The following HDAC9 variants were observed in gnomAD, a reference collection of about 807,000 sequenced individuals.
HDAC9 encodes histone deacetylase 9, also known as MEF-2 interacting transcription repressor (MITR) protein.
In HDAC9, 41 loss-of-function variants were observed where a neutral mutation model predicts 139.4. The ratio of observed to expected loss-of-function variants is 0.29; its 90% CI spans 0.23 to 0.38. The LOEUF is 0.38. Ranked by LOEUF, HDAC9 falls within the 10% of genes least tolerant of loss-of-function variation. HDAC9 has a pLI of 1.00. For synonymous variants in HDAC9, 517 were observed against 476.2 expected (o/e 1.09, Z -1.12); for missense variants, 1,147 against 1,297.0 (o/e 0.88, Z 1.78).
chr7:18,514,932 T>TAAG (rs1429184014), intron 2 of HDAC9, among the ~76,000 whole-genome samples: 1 of 152,116 alleles, frequency 6.6e-6, no homozygotes, highest in Non-Finnish European at 1.5e-5. Flanking sequence ...GGATGACACA[T>TAAG]AAGACCCTGT....
chr7:18,718,374 G>A (rs954988455), intron 12 of HDAC9, among the ~76,000 whole-genome samples: 2 of 152,112 alleles, frequency 1.3e-5, no homozygotes, highest in Non-Finnish European at 2.9e-5. Flanking sequence ...TGGGATTACA[G>A]GTGCACGGTG....
intron 2 of HDAC9, among the ~76,000 whole-genome samples, chr7:18,248,423 T>G (rs576126816): frequency 1.3e-3 from 195 of 152,212 alleles, no homozygotes; most frequent in Non-Finnish European, 2.2e-3. Flanking sequence ...TAGAGACAAG[T>G]TTTCTGGAAA....
At chr7:18,789,980 GA>G (rs1035259180) in intron 16 of HDAC9, among the ~76,000 whole-genome samples, 2 of 152,144 alleles carry the variant, frequency 1.3e-5, no homozygotes, top group African/African-American at 4.8e-5. Flanking sequence ...AAAGAGGGAG[GA>G]AAAATATTTT....
At chr7:18,965,668 G>A (rs1237893298) in intron 24 of HDAC9, among the ~76,000 whole-genome samples, 1 of 152,200 alleles carries the variant, frequency 6.6e-6, no homozygotes, top group Non-Finnish European at 1.5e-5. Flanking sequence ...AAAACACATA[G>A]CTCAGAGTTA....
At chr7:18,102,641 T>TC (rs769569237) in intron 1 of HDAC9, among the ~76,000 whole-genome samples, 12 of 152,224 alleles carry the variant, frequency 7.9e-5, no homozygotes, top group Non-Finnish European at 1.6e-4. Flanking sequence ...GTCTCTCTTT[T>TC]CCCCACTGTC....
At chr7:18,773,198 A>G (rs1362494879) in intron 16 of HDAC9, among the ~76,000 whole-genome samples, 1 of 152,056 alleles carries the variant, frequency 6.6e-6, no homozygotes, top group Non-Finnish European at 1.5e-5. Context: ...TGCATTTTGA[A>G]ATAAGAATAC....
chr7:18,372,648 C>A (rs1230924921), intron 1 of HDAC9, among the ~76,000 whole-genome samples: 1 of 152,182 alleles, frequency 6.6e-6, no homozygotes, highest in Non-Finnish European at 1.5e-5. Context: ...AACATGAGAA[C>A]ATCACGACAG....
chr7:18,877,655 G>T lies in HDAC9; in HGVS notation c.2803+3059G>T, dbSNP rs372929766. On this transcript the variant is annotated intron_variant, in intron 22 of 25. Coordinates refer to ENST00000686413, the MANE Select transcript of HDAC9 (RefSeq NM_178425.4). ...GTTTGCTATCTCTGAAAGGAAAAGAGAAATGAAGTCAAAATAACTAGGGTT... is the reference window on the plus strand; with the variant it reads ...GTTTGCTATCTCTGAAAGGAAAAGATAAATGAAGTCAAAATAACTAGGGTT... 4.3e-4 allele frequency among the ~76,000 whole-genome samples: 66 copies of T among 152,238 alleles called. 1 individual carries two copies. Among genetic ancestry groups the T allele is most frequent in the African/African-American group, 1.5e-3 (62 of 41,562 alleles).
At chr7:18,972,690 G>T (rs531424659) in intron 24 of HDAC9, among the ~76,000 whole-genome samples, 1 of 152,010 alleles carries the variant, frequency 6.6e-6, no homozygotes, top group Admixed American at 6.6e-5. Flanking sequence ...CTTTGATGAG[G>T]TTCTTATTCA....
intron 1 of HDAC9, among the ~76,000 whole-genome samples, chr7:18,446,951 A>G (rs373588748): frequency 6.6e-6 from 1 of 152,214 alleles, no homozygotes; most frequent in Non-Finnish European, 1.5e-5. Flanking sequence ...GATTCAACGT[A>G]TATCTAAGTA....
intron 14 of HDAC9, among the ~76,000 whole-genome samples, chr7:18,754,044 A>T (rs1450185121): frequency 2.0e-5 from 3 of 152,114 alleles, no homozygotes; most frequent in African/African-American, 7.2e-5. Flanking sequence ...CAGAGAAAAC[A>T]TTAGTCCTCA....
At chr7:18,248,095 A>C (rs1794675682) in intron 2 of HDAC9, among the ~76,000 whole-genome samples, 2 of 152,214 alleles carry the variant, frequency 1.3e-5, no homozygotes, top group Non-Finnish European at 2.9e-5. Context: ...ACTTAAGTAC[A>C]TAAAAATGTA....
intron 14 of HDAC9, among the ~76,000 whole-genome samples, chr7:18,758,419 C>A (rs577045252): frequency 6.6e-6 from 1 of 151,892 alleles, no homozygotes; most frequent in Non-Finnish European, 1.5e-5. Context: ...CTCAAGAGAG[C>A]CTTGAGAGAG....
intron 17 of HDAC9, among the ~76,000 whole-genome samples, chr7:18,818,353 T>G (rs7797015): frequency 1.4e-3 from 219 of 152,338 alleles, no homozygotes; most frequent in African/African-American, 4.6e-3. Context: ...GGCAGTTATA[T>G]TATACATAAA....
chr7:18,352,292 T>C (rs912866951), intron 1 of HDAC9, among the ~76,000 whole-genome samples: 1 of 152,212 alleles, frequency 6.6e-6, no homozygotes, highest in African/African-American at 2.4e-5. Flanking sequence ...GTAGCAAATA[T>C]TATTTTCAAA....
At chr7:18,226,000 TA>T (rs1198412442) in intron 2 of HDAC9, among the ~76,000 whole-genome samples, 4 of 152,222 alleles carry the variant, frequency 2.6e-5, no homozygotes, top group Non-Finnish European at 4.4e-5. Context: ...CTCCTAATTT[TA>T]CTCATAATAT....
chr7:18,405,083 G>A (rs184912516), intron 1 of HDAC9, among the ~76,000 whole-genome samples: 6 of 152,320 alleles, frequency 3.9e-5, no homozygotes, highest in Admixed American at 2.0e-4. Flanking sequence ...GAGAAAGCCC[G>A]CGCAGATAAA....
intron 1 of HDAC9, among the ~76,000 whole-genome samples, chr7:18,334,823 A>G (rs10241435): frequency 0.022 from 3,299 of 151,500 alleles, 118 homozygotes; most frequent in African/African-American, 0.075. Flanking sequence ...GAAGCAAGCT[A>G]TTTTGCTCTC....
Position 18,717,517 on chromosome 7 carries a change from C to T in HDAC9, c.1732-10063C>T, listed in dbSNP as rs535401078. On this transcript the variant is annotated intron_variant, in intron 12 of 25. Transcript: ENST00000686413. Reference sequence around the variant, plus strand: ...CGCGATCTCAGCTCACTGCAACCTCCGCCCCCCAGGTTCAAGTGATTCTCC... The same window carrying T: ...CGCGATCTCAGCTCACTGCAACCTCTGCCCCCCAGGTTCAAGTGATTCTCC... Among the ~76,000 whole-genome samples, 8 of 151,546 alleles carry T rather than the reference C, an allele frequency of 5.3e-5. No homozygotes were observed. The South Asian group carries it at 1.7e-3, about 32-fold the overall frequency.
Sources: allele counts gnomAD v4.1 joint callset (sites outside exome capture counted in the v4.1 genomes callset), GRCh38; gene constraint gnomAD v4.1.1; transcripts MANE v1.5; gene names NCBI Gene and HGNC (gene_info 2026-07-23, HGNC 2026-07-21).